The following GLYR1 variants were observed in gnomAD, a reference collection of about 807,000 sequenced individuals.
GLYR1 encodes the protein cytokine-like nuclear factor N-PAC.
A neutral mutation model predicts 72.7 loss-of-function variants in GLYR1; 21 were observed. The ratio of observed to expected loss-of-function variants is 0.29; its 90% CI spans 0.20 to 0.42. The LOEUF (loss-of-function observed/expected upper bound fraction) is 0.42. Ranked by LOEUF, GLYR1 falls within the 10% of genes least tolerant of loss-of-function variation. The pLI, the probability that GLYR1 is intolerant of heterozygous loss-of-function variation, is 1.00. For synonymous variants in GLYR1, 392 were observed against 270.2 expected, an observed-to-expected ratio of 1.45 and a Z score of -4.42; for missense variants, 594 against 712.1, an observed-to-expected ratio of 0.83 and a Z score of 1.89.
intron 4 of GLYR1, chr16:4,832,501 A>T (rs1208336782): frequency 1.8e-6 from 1 of 570,072 alleles, no homozygotes; most frequent in African/African-American, 1.9e-5. Context: ...GTGTGCTATG[A>T]AAGGAAGAAA....
At chr16:4,844,625 G>A (rs2085831907) in intron 3 of GLYR1, among the ~76,000 whole-genome samples, 1 of 152,164 alleles carries the variant, frequency 6.6e-6, no homozygotes, top group African/African-American at 2.4e-5. Flanking sequence ...GCTGGGCATG[G>A]TGGTGCACAC....
At chr16:4,837,192 T>C (rs185868768) in intron 3 of GLYR1, among the ~76,000 whole-genome samples, 1 of 152,166 alleles carries the variant, frequency 6.6e-6, no homozygotes, top group South Asian at 2.1e-4. Flanking sequence ...TCCCAGCACC[T>C]TGGGAGACCG....
chr16:4,815,359 G>C (rs1394771239), intron 10 of GLYR1, among the ~76,000 whole-genome samples: 1 of 151,698 alleles, frequency 6.6e-6, no homozygotes, highest in East Asian at 1.9e-4. Context: ...TGTTGTTTAT[G>C]ATTCACATTT....
chr16:4,813,803 G>C lies in GLYR1; in HGVS notation c.1053C>G (p.Ile351Met), dbSNP rs1169418408. ...VLGPSGVLQG[I>M]RPGKCYVDMS... Reference sequence around the variant, plus strand: ...TGTCCACGTAGCACTTCCCAGGGCGGATCCCTTGCAGCACACCACTGGGGC... The same window carrying C: ...TGTCCACGTAGCACTTCCCAGGGCGCATCCCTTGCAGCACACCACTGGGGC... The change falls in exon 12 of 16, where the codon ATC becomes ATG. Residue 351 changes from isoleucine (I) to methionine (M), a missense_variant. Around this residue, in one of 5 missense-constraint regions of GLYR1, gnomAD observed 266 missense variants for 358.4 expected, o/e 0.74. Coordinates refer to ENST00000321919, the MANE Select transcript of GLYR1 (RefSeq NM_032569.4). 6.2e-7 allele frequency: 1 copy of C among 1,612,996 alleles called. No homozygotes were observed. The highest frequency in any genetic ancestry group is 1.3e-5 in the African/African-American group (1 of 74,918).
chr16:4,831,848 G>C (rs2084821267), intron 5 of GLYR1, 131 bp downstream of exon 5: 2 of 1,317,332 alleles, frequency 1.5e-6, no homozygotes, highest in Non-Finnish European at 2.0e-6. Context: ...GGATTCTTGA[G>C]CACAGAATTC....
chr16:4,812,571 C>T (rs961485460), intron 12 of GLYR1, among the ~76,000 whole-genome samples: 21 of 151,736 alleles, frequency 1.4e-4, no homozygotes, highest in Admixed American at 1.4e-3. Flanking sequence ...CGGATCACTG[C>T]AAGCTCCGCC....
chr16:4,844,960 T>G, intron 3 of GLYR1, 114 bp downstream of exon 3: 1 of 735,380 alleles, frequency 1.4e-6, no homozygotes, highest in South Asian at 1.7e-5. Flanking sequence ...GATGCCAGTA[T>G]TACACATTAT....
rs1286605107 is a variant in GLYR1, at chr16:4,832,865, T to G, written c.203A>C (p.Glu68Ala). The part of the protein sequence containing the change: ...EQLKPYHAHK[E>A]EMIKINKGKR... ...ACCCTTGTTAATTTTTATCATTTCC[T>G]CTTTATGAGCATGATATGGCTTCAG... Residue 68 changes from glutamate (E) to alanine (A), a missense_variant, in exon 4 of 16, where the codon GAG (glutamate) becomes GCG (alanine). By Grantham distance (107) the Glu-to-Ala change is moderately radical. Coordinates refer to ENST00000321919, the MANE Select transcript of GLYR1 (RefSeq NM_032569.4). 1 of 1,613,746 alleles carries G rather than the reference T, an allele frequency of 6.2e-7. No homozygotes were observed. Among genetic ancestry groups the G allele is most frequent in the Non-Finnish European group, 8.5e-7 (1 of 1,179,830 alleles).
intron 10 of GLYR1, 26 bp from the exon 11 acceptor site, chr16:4,814,673 G>C (rs1035913543): frequency 1.9e-6 from 3 of 1,545,708 alleles, no homozygotes; most frequent in East Asian, 2.3e-5. Flanking sequence ...ATCCTAACGT[G>C]AGCTGCAGGC....
At chr16:4,837,716 G>A (rs1456384959) in intron 3 of GLYR1, among the ~76,000 whole-genome samples, 1 of 151,922 alleles carries the variant, frequency 6.6e-6, no homozygotes, top group East Asian at 1.9e-4. Context: ...TTGGGAGGCC[G>A]AGGTCAAGAG....
intron 3 of GLYR1, among the ~76,000 whole-genome samples, chr16:4,835,745 C>A: frequency 6.6e-6 from 1 of 152,276 alleles, no homozygotes; most frequent in Non-Finnish European, 1.5e-5. Flanking sequence ...ACAGGAGAAA[C>A]ACTTGAACCC....
intron 15 of GLYR1, among the ~76,000 whole-genome samples, chr16:4,807,091 C>T (rs1195834192): frequency 6.7e-6 from 1 of 148,300 alleles, no homozygotes; most frequent in African/African-American, 2.5e-5. Flanking sequence ...CAGGCGTGAG[C>T]CACTGCGCCT....
chr16:4,806,431 A>T (rs2141932525), intron 15 of GLYR1, among the ~76,000 whole-genome samples: 1 of 151,130 alleles, frequency 6.6e-6, no homozygotes, highest in Non-Finnish European at 1.5e-5. Flanking sequence ...ATCATGGCTC[A>T]TTGCAGCCTC....
In GLYR1 at chr16:4,813,785, G is replaced by A. The variant is rs554656787; in HGVS notation, c.1071C>T (p.Tyr357=). 8.7e-6 allele frequency: 14 copies of A among 1,612,986 alleles called. No individual in the cohort carries two copies. Among genetic ancestry groups the A allele is most frequent in the Admixed American group, 8.4e-5 (5 of 59,832 alleles). Residue 357 remains tyrosine (Y), a synonymous_variant, in exon 12 of 16, where the codon TAC becomes TAT. Coordinates refer to ENST00000321919, the MANE Select transcript of GLYR1 (RefSeq NM_032569.4). The part of the protein sequence containing the change: ...VLQGIRPGKC[Y]VDMSTVDADT... ...CAGCGTCCACTGTTGACATGTCCAC[G>A]TAGCACTTCCCAGGGCGGATCCCTT...
chr16:4,826,352 T>C lies in GLYR1; in HGVS notation c.538-2445A>G, dbSNP rs577633028. 1.2e-4 allele frequency among the ~76,000 whole-genome samples: 19 copies of C among 152,278 alleles called. No homozygotes were observed. In the South Asian group the frequency reaches 2.3e-3, roughly 18 times the overall value. ...AACTTCTGGCCTCAAGTGGTCCTCC[T>C]ACCTCGGCCTTCCAAAGTGCTGGGA... On this transcript the variant is annotated intron_variant, in intron 5 of 15. Coordinates refer to ENST00000321919, the MANE Select transcript of GLYR1 (RefSeq NM_032569.4).
intron 5 of GLYR1, among the ~76,000 whole-genome samples, chr16:4,828,019 T>C (rs537355410): frequency 1.2e-3 from 188 of 152,242 alleles, no homozygotes; most frequent in African/African-American, 4.3e-3. Flanking sequence ...TTTGTGTCTC[T>C]GTCAGCATTT....
chr16:4,806,175 G>A (rs1487241090), intron 15 of GLYR1, among the ~76,000 whole-genome samples: 1 of 152,132 alleles, frequency 6.6e-6, no homozygotes, highest in Non-Finnish European at 1.5e-5. Flanking sequence ...TATGTCACTG[G>A]CGTCTGGTGG....
At chr16:4,828,045 GA>G (rs1286405912) in intron 5 of GLYR1, among the ~76,000 whole-genome samples, 1 of 151,648 alleles carries the variant, frequency 6.6e-6, no homozygotes, top group African/African-American at 2.4e-5. Context: ...TTTAAGCAAT[GA>G]AGTATTTTTA....
chr16:4,824,936 A>G (rs1174573739), intron 5 of GLYR1, among the ~76,000 whole-genome samples: 3 of 152,058 alleles, frequency 2.0e-5, no homozygotes, highest in Non-Finnish European at 4.4e-5. Context: ...TACTAGGCCG[A>G]TATCTTTAGA....
Sources: allele counts gnomAD v4.1 joint callset (sites outside exome capture counted in the v4.1 genomes callset), GRCh38; gene constraint gnomAD v4.1.1; regional missense constraint gnomAD v4.1.1; transcripts MANE v1.5; gene names NCBI Gene and HGNC (gene_info 2026-07-23, HGNC 2026-07-21).